The following AGAP1 variants were observed in gnomAD, a reference collection of about 807,000 sequenced individuals.
The protein encoded by AGAP1 is arf-GAP with GTPase, ANK repeat and PH domain-containing protein 1.
Under a neutral mutation model 105.3 loss-of-function variants are expected in AGAP1, and 29 were observed. That is an observed-to-expected ratio of 0.28 (90% CI 0.21 to 0.38). AGAP1 has a LOEUF of 0.38. AGAP1 is among the 10% of genes least tolerant of loss of function. The pLI is 1.00. For missense variants in AGAP1, 998 were observed against 1,165.1 expected (o/e 0.86, Z 2.09); for synonymous variants, 509 against 485.9 (o/e 1.05, Z -0.63).
rs569431532 is a variant in AGAP1, at chr2:236,103,547, C to T, written c.2115-16645C>T. Among the ~76,000 whole-genome samples, 10 of 146,508 alleles carry T rather than the reference C, an allele frequency of 6.8e-5. No homozygotes were observed. In the Admixed American group the frequency reaches 6.9e-4, roughly 10 times the overall value. On this transcript the variant is annotated intron_variant, in intron 16 of 17. Coordinates refer to ENST00000304032, the MANE Select transcript of AGAP1 (RefSeq NM_001037131.3). Reference sequence around the variant, plus strand: ...TTTCTTTCTTTTCTCTTTTTCCTTTCTTTCCTTTCTTTCTTTCTTTTCTTC... The same window carrying T: ...TTTCTTTCTTTTCTCTTTTTCCTTTTTTTCCTTTCTTTCTTTCTTTTCTTC...
intron 1 of AGAP1, among the ~76,000 whole-genome samples, chr2:235,686,660 T>G (rs1268014148): frequency 4.8e-5 from 3 of 63,132 alleles, no homozygotes; most frequent in South Asian, 4.8e-4. Flanking sequence ...TATATATATA[T>G]ATATATTTTT....
chr2:236,085,086 T>G (rs867396431), intron 16 of AGAP1, among the ~76,000 whole-genome samples: 17 of 133,098 alleles, frequency 1.3e-4, no homozygotes, highest in South Asian at 2.5e-4. Flanking sequence ...TGTGGTGGTG[T>G]GCGCCTGTAA....
rs1159472083 is a variant in AGAP1 at position 236,056,734 on chromosome 2, T to C, written c.2114+7453T>C. Among the ~76,000 whole-genome samples the C allele has an allele frequency of 6.6e-6, 1 of 152,150 alleles. No homozygotes were observed. The highest frequency in any genetic ancestry group is 1.5e-5 in the Non-Finnish European group (1 of 68,020). ...AATGAAGAGGAGGGAGACAAAAACA[T>C]GGCCGGAGCACACAGCGCCCTGTGT... On this transcript the variant is annotated intron_variant, in intron 16 of 17. Transcript: ENST00000304032. This position sits in a 1 kb window ranked among gnomAD's most constrained non-coding sequence, Gnocchi z 4.6.
chr2:236,029,100 C>T (rs879906000), intron 13 of AGAP1, among the ~76,000 whole-genome samples: 4 of 152,136 alleles, frequency 2.6e-5, no homozygotes, highest in Non-Finnish European at 5.9e-5. Context: ...GTCCTCACCG[C>T]TACTCTCACG....
At chr2:235,933,769 G>T (rs562132189) in intron 12 of AGAP1, among the ~76,000 whole-genome samples, 84 of 151,968 alleles carry the variant, frequency 5.5e-4, no homozygotes, top group Non-Finnish European at 9.3e-4. Flanking sequence ...TTGACCTCAT[G>T]ATCTGCCCGC....
intron 1 of AGAP1, among the ~76,000 whole-genome samples, chr2:235,677,582 C>T (rs1948810058): frequency 6.6e-6 from 1 of 152,040 alleles, no homozygotes. Context: ...GGTCAACACA[C>T]AGGAATGCTC....
rs185593918 is a variant in AGAP1 at position 235,733,348 on chromosome 2, G to A, written c.311-7615G>A. Among the ~76,000 whole-genome samples the A allele has an allele frequency of 6.6e-6, 1 of 152,260 alleles. No individual in the cohort carries two copies. The highest frequency in any genetic ancestry group is 2.4e-5 in the African/African-American group (1 of 41,554). On this transcript the variant is annotated intron_variant, in intron 3 of 17. Coordinates refer to ENST00000304032, the MANE Select transcript of AGAP1 (RefSeq NM_001037131.3). This position sits in a 1 kb window ranked among gnomAD's most constrained non-coding sequence, Gnocchi z 5.0. ...GCTGCCCCTTCTGTTTCTTCCCTGC[G>A]CACTTTGGGGTGAAGTGATGGGGTG... is the stretch of plus-strand genomic sequence containing the variant.
chr2:236,067,462 A>G (rs7581447), intron 16 of AGAP1, among the ~76,000 whole-genome samples: 58,339 of 152,028 alleles, frequency 0.38, 14,025 homozygotes, highest in Non-Finnish European at 0.53. Context: ...GAAAAATACT[A>G]TGTCTACCTG....
chr2:235,942,088 C>T (rs981203585), intron 12 of AGAP1, among the ~76,000 whole-genome samples: 4 of 152,182 alleles, frequency 2.6e-5, no homozygotes, highest in African/African-American at 9.7e-5. Flanking sequence ...TATCCCCAGC[C>T]ATGACTGCTC....
At chr2:236,071,973 G>A (rs1020705621) in intron 16 of AGAP1, among the ~76,000 whole-genome samples, 3 of 152,226 alleles carry the variant, frequency 2.0e-5, no homozygotes, top group Middle Eastern at 3.4e-3. Flanking sequence ...CAAAGACACC[G>A]GATGACTCTC....
chr2:236,131,158 C>G lies in AGAP1; in HGVS notation c.*7036C>G, dbSNP rs1275569472. The G allele has an allele frequency of 6.6e-6, 1 of 152,256 alleles. No homozygotes were observed. The highest frequency in any genetic ancestry group is 1.5e-5 in the Non-Finnish European group (1 of 68,098). 9.4% of individuals were successfully genotyped at this position (152,256 alleles called of 1,614,324 possible). Reference sequence around the variant, plus strand: ...TTGTGTCTGAAATACATCTAATTCTCCAGACTGCAGCCCCTCTCAGCCCCG... The same window carrying G: ...TTGTGTCTGAAATACATCTAATTCTGCAGACTGCAGCCCCTCTCAGCCCCG... On this transcript the variant is annotated 3_prime_UTR_variant, in exon 18 of 18. Coordinates refer to ENST00000304032, the MANE Select transcript of AGAP1 (RefSeq NM_001037131.3). The surrounding 1 kb of genome is among the most constrained non-coding windows in gnomAD (Gnocchi z 5.9).
At chr2:235,667,959 C>CAA (rs142657060) in intron 1 of AGAP1, among the ~76,000 whole-genome samples, 2,520 of 61,796 alleles carry the variant, frequency 0.041, 161 homozygotes, top group African/African-American at 0.13. Flanking sequence ...GCCTCTGTCT[C>CAA]AAAAAAAAAA....
Position 235,789,221 on chromosome 2 carries a change from C to A in AGAP1, c.674-8538C>A, listed in dbSNP as rs1267651403. On this transcript the variant is annotated intron_variant, in intron 6 of 17. Transcript: ENST00000304032. The surrounding 1 kb of genome is among the most constrained non-coding windows in gnomAD (Gnocchi z 4.2). ...GTTTTTGTTTTTAATTATGTTCTTT[C>A]CCCTTTTCTCTGAAAGGAAAAGGGA... Among the ~76,000 whole-genome samples, 5 of 152,156 alleles carry A rather than the reference C, an allele frequency of 3.3e-5. No individual in the cohort carries two copies. The South Asian group carries it at 1.0e-3, about 32-fold the overall frequency.
intron 13 of AGAP1, among the ~76,000 whole-genome samples, chr2:235,997,557 C>A (rs116776992): frequency 6.6e-6 from 1 of 151,312 alleles, no homozygotes. Flanking sequence ...CTTCCACGCC[C>A]GCAGCATCTA....
chr2:236,070,693 T>C (rs2058472819), intron 16 of AGAP1, among the ~76,000 whole-genome samples: 2 of 152,156 alleles, frequency 1.3e-5, no homozygotes, highest in African/African-American at 4.8e-5. Context: ...AAAGACTTCA[T>C]ACCGTGTAAT....
At chr2:235,849,304 T>A (rs1331958233) in intron 9 of AGAP1, among the ~76,000 whole-genome samples, 1 of 152,226 alleles carries the variant, frequency 6.6e-6, no homozygotes, top group Non-Finnish European at 1.5e-5. Flanking sequence ...GCAAGTGTCT[T>A]CCTTCTATTG....
chr2:235,546,604 C>T (rs1943628553), intron 1 of AGAP1, among the ~76,000 whole-genome samples: 1 of 151,864 alleles, frequency 6.6e-6, no homozygotes, highest in Admixed American at 6.6e-5. Context: ...CTAGTGGTGA[C>T]GGTCAGGGTG....
chr2:235,515,719 G>A (rs1473473003), intron 1 of AGAP1, among the ~76,000 whole-genome samples: 2 of 152,186 alleles, frequency 1.3e-5, no homozygotes, highest in African/African-American at 2.4e-5. Flanking sequence ...CTTTTGACAC[G>A]GATGCTAACC....
At chr2:235,651,235 A>C in intron 1 of AGAP1, among the ~76,000 whole-genome samples, 1 of 144,808 alleles carries the variant, frequency 6.9e-6, no homozygotes, top group African/African-American at 2.5e-5. Context: ...CCTTGCAGGC[A>C]GTGGTCACAG....
Sources: allele counts gnomAD v4.1 joint callset (sites outside exome capture counted in the v4.1 genomes callset), GRCh38; gene constraint gnomAD v4.1.1; non-coding constraint Gnocchi (gnomAD v3.1); transcripts MANE v1.5; gene names NCBI Gene and HGNC (gene_info 2026-07-23, HGNC 2026-07-21).